Variants in AGO2 observed in about 807,000 individuals in gnomAD.
AGO2 encodes the protein protein argonaute-2.
AGO2 carries 5 observed loss-of-function variants against 102.3 expected under a neutral mutation model. That is an observed-to-expected ratio of 0.05 (90% CI 0.03 to 0.10). AGO2 has a LOEUF of 0.10. Among genes scored for constraint, AGO2 ranks in the 10% least tolerant of loss-of-function variants. The pLI, the probability that AGO2 is intolerant of heterozygous loss-of-function variation, is 1.00. For missense variants in AGO2, 541 were observed against 1,183.7 expected (o/e 0.46, Z 7.97); for synonymous variants, 449 against 473.1 (o/e 0.95, Z 0.66).
intron 1 of AGO2, among the ~76,000 whole-genome samples, chr8:140,606,828 T>C (rs971764453): frequency 6.6e-6 from 1 of 150,828 alleles, no homozygotes; most frequent in Admixed American, 6.6e-5. Flanking sequence ...TCCTAGCTCC[T>C]TGGGAGGCTG....
intron 1 of AGO2, among the ~76,000 whole-genome samples, chr8:140,614,768 C>A (rs1033438652): frequency 6.6e-6 from 1 of 152,212 alleles, no homozygotes; most frequent in African/African-American, 2.4e-5. Flanking sequence ...ACTTCCAAAA[C>A]GGGAGGATGG....
In AGO2 at chr8:140,522,674, GAGAGAGAGAC is replaced by G. The variant is rs1179381936; in HGVS notation, c.*9360_*9369del. ...CCATAGCCAAGCTAGACAAGAGAGA[GAGAGAGAGAC>G]AGAGACAGAGACAGAGAGAGGGAGG... On this transcript the variant is annotated 3_prime_UTR_variant, in exon 19 of 19. Transcript: ENST00000220592. 2.2e-5 allele frequency: 3 copies of G among 137,706 alleles called. No homozygotes were observed. In the Admixed American group the frequency reaches 2.3e-4, roughly 10 times the overall value. The allele number at this position is 137,706 out of a possible 1,614,324, so 8.5% of individuals were successfully genotyped here. A position where few individuals can be genotyped will look rare whatever the true frequency, so the allele number is the denominator to read the frequency against.
In AGO2 at chr8:140,522,845, ATAT is replaced by A. The variant is rs1234887074; in HGVS notation, c.*9196_*9198del. ...GAACAGTTTACACTCACTCTGCCTA[ATAT>A]TTTTGCATACTCTGAAACTCACAAA... On this transcript the variant is annotated 3_prime_UTR_variant, in exon 19 of 19. Coordinates refer to ENST00000220592, the MANE Select transcript of AGO2 (RefSeq NM_012154.5). 6.6e-6 allele frequency: 1 copy of A among 152,084 alleles called. No homozygotes were observed. Among genetic ancestry groups the A allele is most frequent in the Non-Finnish European group, 1.5e-5 (1 of 68,026 alleles). 9.4% of individuals were successfully genotyped at this position (152,084 alleles called of 1,614,324 possible). A position where few individuals can be genotyped will look rare whatever the true frequency, so the allele number is the denominator to read the frequency against.
At chr8:140,634,565 C>T (rs567178683) in intron 1 of AGO2, among the ~76,000 whole-genome samples, 4 of 152,330 alleles carry the variant, frequency 2.6e-5, no homozygotes, top group African/African-American at 9.6e-5. Flanking sequence ...TTTTTTGGCC[C>T]ACCAAGGAGA....
At chr8:140,624,207 C>T (rs1563656351) in intron 1 of AGO2, among the ~76,000 whole-genome samples, 2 of 152,264 alleles carry the variant, frequency 1.3e-5, no homozygotes, top group South Asian at 2.1e-4. Context: ...CTGGGTCACC[C>T]GGCTCTGCCC....
At chr8:140,544,601 C>G (rs1018752894) in intron 13 of AGO2, among the ~76,000 whole-genome samples, 3 of 152,040 alleles carry the variant, frequency 2.0e-5, no homozygotes, top group South Asian at 4.1e-4. Context: ...GAGGGCTCAC[C>G]CTTCTACCCT....
intron 5 of AGO2, 131 bp from the exon 6 acceptor site, chr8:140,559,660 C>T (rs750400173): frequency 2.2e-5 from 27 of 1,233,424 alleles, no homozygotes; most frequent in Middle Eastern, 2.6e-4. Context: ...TCACTCCCTA[C>T]TGAGGCTAGC....
At chr8:140,554,761 A>G (rs951572823) in intron 10 of AGO2, among the ~76,000 whole-genome samples, 7 of 151,884 alleles carry the variant, frequency 4.6e-5, no homozygotes, top group Admixed American at 4.6e-4. Context: ...GTGTGATCTC[A>G]GCTCACTGCA....
intron 1 of AGO2, among the ~76,000 whole-genome samples, chr8:140,586,833 C>G (rs2073666707): frequency 6.6e-6 from 1 of 152,134 alleles, no homozygotes; most frequent in Non-Finnish European, 1.5e-5. Flanking sequence ...GGACAGAGCC[C>G]GGGAATCTGG....
chr8:140,635,142 C>T (rs2074390107), intron 1 of AGO2, among the ~76,000 whole-genome samples: 1 of 146,432 alleles, frequency 6.8e-6, no homozygotes, highest in Non-Finnish European at 1.5e-5. Flanking sequence ...CCGCCTCGGC[C>T]CCGGCCCCAG....
rs145686992 is a variant in AGO2, at chr8:140,526,618, A to G, written c.*5426T>C. ...TGGACAGCTACACTTAAGAGCAAAC[A>G]TGATGAATCTATTGAGAATTCAGAG... is the stretch of plus-strand genomic sequence containing the variant. On this transcript the variant is annotated 3_prime_UTR_variant, in exon 19 of 19. Transcript: ENST00000220592. The surrounding 1 kb of genome is among the most constrained non-coding windows in gnomAD (Gnocchi z 5.2). 2 of 152,240 alleles carry G rather than the reference A, an allele frequency of 1.3e-5. No homozygotes were observed. Among genetic ancestry groups the G allele is most frequent in the Non-Finnish European group, 2.9e-5 (2 of 68,038 alleles). 9.4% of individuals were successfully genotyped at this position (152,240 alleles called of 1,614,324 possible). A position where few individuals can be genotyped will look rare whatever the true frequency, so the allele number is the denominator to read the frequency against.
rs1205530261 is a variant in AGO2, at chr8:140,557,593, T to C, written c.879-357A>G. Among the ~76,000 whole-genome samples, 6 of 152,084 alleles carry C rather than the reference T, an allele frequency of 3.9e-5. No individual in the cohort carries two copies. Among genetic ancestry groups the C allele is most frequent in the Non-Finnish European group, 8.8e-5 (6 of 68,032 alleles). ...TGGAAGCCTTTTACGTGCCGCGCGC[T>C]CCCGGTGCCCAGAAGGCCTGAAGCC... is the stretch of plus-strand genomic sequence containing the variant. On this transcript the variant is annotated intron_variant, in intron 7 of 18. Transcript: ENST00000220592. This position sits in a 1 kb window ranked among gnomAD's most constrained non-coding sequence, Gnocchi z 5.9.
At chr8:140,619,155 C>T (rs1004899159) in intron 1 of AGO2, among the ~76,000 whole-genome samples, 2 of 152,248 alleles carry the variant, frequency 1.3e-5, no homozygotes, top group South Asian at 4.1e-4. Flanking sequence ...CCCTGGGCTG[C>T]CCACACAGTG....
Position 140,572,816 on chromosome 8 carries a change from T to C in AGO2, c.332A>G (p.Asp111Gly), listed in dbSNP as rs1490138077. 6.2e-7 allele frequency: 1 copy of C among 1,610,610 alleles called. No individual in the cohort carries two copies. Among genetic ancestry groups the C allele is most frequent in the Non-Finnish European group, 8.5e-7 (1 of 1,179,068 alleles). The stretch of plus-strand genomic sequence containing the variant: ...AGGGCATCCCGGCGAGCTTACCTTG[T>C]CCCTCCCAATCGGAAGGGGCATGGC... ...YTAMPLPIGR[D>G]KVELEVTLPG... Residue 111 changes from aspartate to glycine, a missense_variant, in exon 3 of 19, where the codon GAC becomes GGC. Around this residue, in one of 6 missense-constraint regions of AGO2, gnomAD observed 147 missense variants for 204.1 expected, o/e 0.72. Coordinates refer to ENST00000220592, the MANE Select transcript of AGO2 (RefSeq NM_012154.5).
chr8:140,621,171 G>A lies in AGO2; in HGVS notation c.22+14314C>T, dbSNP rs1009900932. Reference sequence around the variant, plus strand: ...ATGATCTCCAAGCCACCTGCCAATCGTTTTCCACCCTGCAGCCGGTGGGCC... The same window carrying A: ...ATGATCTCCAAGCCACCTGCCAATCATTTTCCACCCTGCAGCCGGTGGGCC... On this transcript the variant is annotated intron_variant, in intron 1 of 18. Transcript: ENST00000220592. Among the ~76,000 whole-genome samples the A allele has an allele frequency of 3.9e-5, 6 of 152,248 alleles. No homozygotes were observed. The East Asian group carries it at 7.7e-4, about 20-fold the overall frequency.
At chr8:140,554,971 C>T (rs556764501) in intron 10 of AGO2, among the ~76,000 whole-genome samples, 2 of 152,238 alleles carry the variant, frequency 1.3e-5, no homozygotes, top group East Asian at 1.9e-4. Flanking sequence ...CCACTCACTG[C>T]GCCCAGCTCA....
At chr8:140,629,988 G>A (rs2074322942) in intron 1 of AGO2, among the ~76,000 whole-genome samples, 1 of 151,988 alleles carries the variant, frequency 6.6e-6, no homozygotes, top group Non-Finnish European at 1.5e-5. Flanking sequence ...ACACAGCCCG[G>A]TTCCTGGCAG....
chr8:140,630,389 C>T (rs900525249), intron 1 of AGO2, among the ~76,000 whole-genome samples: 2 of 152,206 alleles, frequency 1.3e-5, no homozygotes, highest in Non-Finnish European at 2.9e-5. Flanking sequence ...TCTATGGAGA[C>T]AGAAACTGGG....
chr8:140,593,938 C>G (rs762165287), intron 1 of AGO2, among the ~76,000 whole-genome samples: 1 of 152,200 alleles, frequency 6.6e-6, no homozygotes, highest in Non-Finnish European at 1.5e-5. Flanking sequence ...GAACCAAATG[C>G]GTGACAATCC....
Sources: allele counts gnomAD v4.1 joint callset (sites outside exome capture counted in the v4.1 genomes callset), GRCh38; gene constraint gnomAD v4.1.1; regional missense constraint gnomAD v4.1.1; non-coding constraint Gnocchi (gnomAD v3.1); transcripts MANE v1.5; gene names NCBI Gene and HGNC (gene_info 2026-07-23, HGNC 2026-07-21).